The following MAGI3 variants were observed in gnomAD, a reference collection of about 807,000 sequenced individuals.
MAGI3 encodes the protein membrane associated guanylate kinase, WW and PDZ domain containing 3, also known as membrane-associated guanylate kinase, WW and PDZ domain-containing protein 3.
A neutral mutation model predicts 121.8 loss-of-function variants in MAGI3; 43 were observed. The ratio of observed to expected loss-of-function variants is 0.35; its 90% CI spans 0.28 to 0.46. The LOEUF (loss-of-function observed/expected upper bound fraction) is 0.46. Ranked by LOEUF, MAGI3 falls within the 20% of genes least tolerant of loss-of-function variation. The pLI, the probability that MAGI3 is intolerant of heterozygous loss-of-function variation, is 1.00. For missense variants in MAGI3, 1,547 were observed against 1,797.3 expected, an observed-to-expected ratio of 0.86 and a Z score of 2.52; for synonymous variants, 553 against 639.3, an observed-to-expected ratio of 0.86 and a Z score of 2.04.
At chr1:113,599,279 G>T (rs966857215) in intron 6 of MAGI3, among the ~76,000 whole-genome samples, 1 of 151,964 alleles carries the variant, frequency 6.6e-6, no homozygotes, top group East Asian at 1.9e-4. Flanking sequence ...ATGAATCCAG[G>T]AGCTGGTTTT....
At chr1:113,513,214 G>T (rs372175274) in intron 1 of MAGI3, among the ~76,000 whole-genome samples, 69 of 152,168 alleles carry the variant, frequency 4.5e-4, no homozygotes, top group Admixed American at 1.8e-3. Flanking sequence ...AGGTAATTTA[G>T]AGATTCAATG....
rs1308758671 is a variant in MAGI3 at position 113,449,377 on chromosome 1, G to GTGTGTGTGTGTA, written c.316+58039_316+58040insATGTGTGTGTGT. On this transcript the variant is annotated intron_variant, in intron 1 of 20. Transcript: ENST00000307546. Reference sequence around the variant, plus strand: ...ACTTTTATGGTGTGTGTGTGTGTGTGTGTGTGTGTGTGACAGAGAGAGAGG... The same window carrying GTGTGTGTGTGTA: ...ACTTTTATGGTGTGTGTGTGTGTGTGTGTGTGTGTGTATGTGTGTGTGTGACAGAGAGAGAGG... Among the ~76,000 whole-genome samples, 5 of 151,756 alleles carry GTGTGTGTGTGTA rather than the reference G, an allele frequency of 3.3e-5. No homozygotes were observed. The East Asian group carries it at 7.8e-4, about 24-fold the overall frequency.
At chr1:113,607,635 A>C (rs1649859484) in intron 6 of MAGI3, among the ~76,000 whole-genome samples, 1 of 152,100 alleles carries the variant, frequency 6.6e-6, no homozygotes, top group African/African-American at 2.4e-5. Context: ...TCCTTTAAAA[A>C]CATCTATTTT....
chr1:113,574,583 A>T (rs1268107826), intron 2 of MAGI3, among the ~76,000 whole-genome samples: 1 of 152,114 alleles, frequency 6.6e-6, no homozygotes, highest in South Asian at 2.1e-4. Flanking sequence ...CTTCCTTTGT[A>T]GGTAGTCTGA....
rs1652767030 is a variant in MAGI3, at chr1:113,422,351, C to T, written c.316+31002C>T. The stretch of plus-strand genomic sequence containing the variant: ...CATCCTTAGGGTGTTGCTTCACTAG[C>T]CGGAAACTTCTGTGCCGGTGGCACC... On this transcript the variant is annotated intron_variant, in intron 1 of 20. Transcript: ENST00000307546. The surrounding 1 kb of genome is among the most constrained non-coding windows in gnomAD (Gnocchi z 4.3). Among the ~76,000 whole-genome samples the T allele has an allele frequency of 1.3e-5, 2 of 152,234 alleles. No individual in the cohort carries two copies. The highest frequency in any genetic ancestry group is 4.8e-5 in the African/African-American group (2 of 41,460).
intron 9 of MAGI3, among the ~76,000 whole-genome samples, chr1:113,631,413 G>A (rs147272384): frequency 3.3e-5 from 5 of 152,110 alleles, no homozygotes; most frequent in Non-Finnish European, 5.9e-5. Context: ...TCTGCCCTCC[G>A]TCACCATCTA....
At chr1:113,410,756 G>A (rs913526235) in intron 1 of MAGI3, among the ~76,000 whole-genome samples, 1 of 152,012 alleles carries the variant, frequency 6.6e-6, no homozygotes, top group Non-Finnish European at 1.5e-5. Context: ...TGACTGTCAT[G>A]TTGATAAACA....
intron 1 of MAGI3, among the ~76,000 whole-genome samples, chr1:113,463,677 G>C (rs189093753): frequency 4.6e-5 from 7 of 152,144 alleles, no homozygotes; most frequent in Admixed American, 2.0e-4. Flanking sequence ...GTGAAGGCGG[G>C]GGAGAGATGG....
chr1:113,682,045 G>C (rs570291703), intron 20 of MAGI3, among the ~76,000 whole-genome samples: 1 of 145,526 alleles, frequency 6.9e-6, no homozygotes, highest in African/African-American at 2.5e-5. Flanking sequence ...TGAGGGATAA[G>C]TGTAGACATA....
chr1:113,601,988 C>T (rs931832530), intron 6 of MAGI3, among the ~76,000 whole-genome samples: 8 of 151,880 alleles, frequency 5.3e-5, no homozygotes, highest in South Asian at 2.1e-4. Flanking sequence ...AACCAAACAC[C>T]GTATATTCTC....
At chr1:113,441,590 A>T (rs1011916082) in intron 1 of MAGI3, among the ~76,000 whole-genome samples, 2 of 152,154 alleles carry the variant, frequency 1.3e-5, no homozygotes, top group African/African-American at 4.8e-5. Context: ...TTGACTGCCA[A>T]CCAATTTGAA....
intron 1 of MAGI3, among the ~76,000 whole-genome samples, chr1:113,514,695 C>T (rs1413759832): frequency 6.6e-6 from 1 of 152,080 alleles, no homozygotes; most frequent in African/African-American, 2.4e-5. Context: ...TTAATGGGTG[C>T]AGCACACCAG....
In MAGI3 at chr1:113,447,857, A is replaced by AG. The variant is rs1453270485; in HGVS notation, c.316+56508_316+56509insG. On this transcript the variant is annotated intron_variant, in intron 1 of 20. Transcript: ENST00000307546. Reference sequence around the variant, plus strand: ...GTGACAGAACAAGACTGTGTCTCAAAAAAAAAAAATTGTGCAACTATCATC... The same window carrying AG: ...GTGACAGAACAAGACTGTGTCTCAAAGAAAAAAAAATTGTGCAACTATCATC... Among the ~76,000 whole-genome samples the AG allele has an allele frequency of 2.0e-5, 3 of 151,992 alleles. No homozygotes were observed. In the East Asian group the frequency reaches 5.8e-4, roughly 29 times the overall value.
At chr1:113,438,515 A>C (rs1653751623) in intron 1 of MAGI3, among the ~76,000 whole-genome samples, 1 of 152,220 alleles carries the variant, frequency 6.6e-6, no homozygotes, top group South Asian at 2.1e-4. Flanking sequence ...GGTAATTTAT[A>C]AAGGAAAGAG....
chr1:113,505,482 A>G (rs1172294268), intron 1 of MAGI3, among the ~76,000 whole-genome samples: 1 of 150,228 alleles, frequency 6.7e-6, no homozygotes, highest in Non-Finnish European at 1.5e-5. Context: ...GGCCCCTGCA[A>G]TGACAAATAA....
chr1:113,493,763 A>G (rs113293312), intron 1 of MAGI3, among the ~76,000 whole-genome samples: 3 of 152,314 alleles, frequency 2.0e-5, no homozygotes, highest in African/African-American at 7.2e-5. Context: ...ACAATCATGA[A>G]AAAAGACTCA....
At position 113,683,832 on chromosome 1, in the gene MAGI3, A is replaced by C; in HGVS notation, c.4264A>C (p.Asn1422His). ...AGAACCTGAAGAGAAGGTAGTTTCA[A>C]ACAAAACAGAAGATCACAAAGGGAA... ...KQEPEEKVVSNKTEDHKGKEL... is the reference protein window; with the variant it reads ...KQEPEEKVVSHKTEDHKGKEL... Residue 1422 changes from asparagine to histidine, a missense_variant, in exon 21 of 21, where the codon AAC becomes CAC. Coordinates refer to ENST00000307546, the MANE Select transcript of MAGI3 (RefSeq NM_001142782.2). The C allele has an allele frequency of 6.2e-7, 1 of 1,611,946 alleles. No homozygotes were observed.
chr1:113,537,601 C>T (rs1659068281), intron 1 of MAGI3, among the ~76,000 whole-genome samples: 1 of 152,174 alleles, frequency 6.6e-6, no homozygotes. Context: ...TCAGAGTTTG[C>T]AAAACGTGCT....
At chr1:113,633,508 G>A (rs1440499203) in intron 9 of MAGI3, among the ~76,000 whole-genome samples, 5 of 151,792 alleles carry the variant, frequency 3.3e-5, no homozygotes, top group Middle Eastern at 3.4e-3. Flanking sequence ...TGATCCGCCC[G>A]CCTCGGCCTC....
Sources: gnomAD v4.1 joint callset for allele counts (sites outside exome capture counted in the v4.1 genomes callset) on GRCh38, gnomAD v4.1.1 for gene constraint, Gnocchi (gnomAD v3.1) non-coding constraint, MANE v1.5 for transcripts, NCBI Gene and HGNC (gene_info 2026-07-23, HGNC 2026-07-21) for gene names.